Variants in KAZN observed in about 807,000 individuals in gnomAD.
The protein encoded by KAZN is kazrin, periplakin interacting protein.
KAZN carries 40 observed loss-of-function variants against 87.4 expected under a neutral mutation model. The observed-to-expected ratio is 0.46, with a 90% CI of 0.36 to 0.60. KAZN has a LOEUF of 0.60. KAZN is among the 20% of genes least tolerant of loss of function. The pLI is 0.00. For synonymous variants in KAZN, 466 were observed against 458.3 expected (o/e 1.02, Z -0.22); for missense variants, 898 against 1,073.9 (o/e 0.84, Z 2.29).
At chr1:14,517,526 A>AC (rs1671360594) in intron 2 of KAZN, among the ~76,000 whole-genome samples, 3 of 152,304 alleles carry the variant, frequency 2.0e-5, no homozygotes, top group South Asian at 2.1e-4. Context: ...AATCAAACTG[A>AC]CAATAAGAAG....
intron 1 of KAZN, among the ~76,000 whole-genome samples, chr1:14,117,570 A>G (rs994215644): frequency 1.3e-5 from 2 of 151,884 alleles, no homozygotes; most frequent in Non-Finnish European, 2.9e-5. Flanking sequence ...ACCTCCAAAT[A>G]CCATTACACT....
At chr1:14,839,776 G>A (rs988147941) in intron 1 of KAZN, among the ~76,000 whole-genome samples, 1 of 152,188 alleles carries the variant, frequency 6.6e-6, no homozygotes, top group African/African-American at 2.4e-5. Context: ...GCACAGCGTA[G>A]ATGCTCCATT....
chr1:14,398,251 T>C (rs1207898637), intron 2 of KAZN, among the ~76,000 whole-genome samples: 1 of 152,260 alleles, frequency 6.6e-6, no homozygotes, highest in East Asian at 1.9e-4. Context: ...TTATTCATAC[T>C]CTTTTCCTAC....
intron 2 of KAZN, among the ~76,000 whole-genome samples, chr1:14,299,681 C>A (rs1184535836): frequency 6.6e-6 from 1 of 152,188 alleles, no homozygotes; most frequent in Non-Finnish European, 1.5e-5. Context: ...TCACTCTGTA[C>A]CTCCCATCCT....
intron 1 of KAZN, among the ~76,000 whole-genome samples, chr1:14,022,887 C>G (rs1237313863): frequency 6.6e-6 from 1 of 152,192 alleles, no homozygotes; most frequent in East Asian, 1.9e-4. Flanking sequence ...AACCCCATTT[C>G]TACCATGAAG....
At position 14,257,152 on chromosome 1, in the gene KAZN, A is replaced by G. The variant is rs74226806; in HGVS notation, c.249+76560A>G. On this transcript the variant is annotated intron_variant, in intron 2 of 16. Transcript: ENST00000636203. ...AGTGTATGTCCTTATTTTTAAAGGC[A>G]TCATTGAAAAGAAGGGGGAAGGGAT... Among the ~76,000 whole-genome samples the G allele has an allele frequency of 7.2e-5, 11 of 152,312 alleles. No homozygotes were observed. The East Asian group carries it at 2.1e-3, about 29-fold the overall frequency.
chr1:14,801,340 G>A (rs185931782), intron 1 of KAZN, among the ~76,000 whole-genome samples: 5 of 152,286 alleles, frequency 3.3e-5, no homozygotes, highest in African/African-American at 7.2e-5. Context: ...GCTGACTGGC[G>A]CTCACTGTCG....
intron 2 of KAZN, among the ~76,000 whole-genome samples, chr1:14,447,461 G>A (rs6662566): frequency 6.6e-6 from 1 of 151,640 alleles, no homozygotes; most frequent in African/African-American, 2.4e-5. Context: ...GGATGGTCTC[G>A]ATCTTTTCAC....
chr1:14,962,853 G>A (rs1398822), intron 2 of KAZN, among the ~76,000 whole-genome samples: 26,716 of 152,034 alleles, frequency 0.18, 2,779 homozygotes, highest in Non-Finnish European at 0.23. Flanking sequence ...TGGCGGCGGC[G>A]GGAGTTAAGC....
chr1:14,774,468 A>ATTT (rs35723980), intron 1 of KAZN, among the ~76,000 whole-genome samples: 15 of 131,254 alleles, frequency 1.1e-4, no homozygotes, highest in African/African-American at 2.9e-4. Flanking sequence ...TCTTGAACAG[A>ATTT]TTTTTTTTTT....
At chr1:14,185,874 T>C (rs1414956033) in intron 2 of KAZN, among the ~76,000 whole-genome samples, 1 of 152,204 alleles carries the variant, frequency 6.6e-6, no homozygotes, top group East Asian at 1.9e-4. Context: ...TCTGTCATCG[T>C]TGTAAAATCC....
intron 2 of KAZN, among the ~76,000 whole-genome samples, chr1:14,588,582 C>T (rs1424114120): frequency 2.0e-5 from 3 of 152,314 alleles, no homozygotes; most frequent in East Asian, 1.9e-4. Context: ...AGCAGGGCTC[C>T]GTTTGCCTGA....
In KAZN at chr1:14,949,254, T is replaced by G. The variant is rs1662195443; in HGVS notation, c.227-11430T>G. ...GGATTAAAGGGAAAAAAACATTCCTTTATTAAAACAACAGTTAATAAATAC... is the reference window on the plus strand; with the variant it reads ...GGATTAAAGGGAAAAAAACATTCCTGTATTAAAACAACAGTTAATAAATAC... On this transcript the variant is annotated intron_variant, in intron 1 of 14. Coordinates refer to ENST00000376030, the MANE Select transcript of KAZN (RefSeq NM_201628.3). The surrounding 1 kb of genome is among the most constrained non-coding windows in gnomAD (Gnocchi z 4.3). Among the ~76,000 whole-genome samples the G allele has an allele frequency of 6.6e-6, 1 of 151,778 alleles. No homozygotes were observed.
intron 2 of KAZN, among the ~76,000 whole-genome samples, chr1:14,285,308 A>C (rs1653156441): frequency 6.6e-6 from 1 of 152,222 alleles, no homozygotes; most frequent in Non-Finnish European, 1.5e-5. Flanking sequence ...ACTTTGAACA[A>C]AGAGTAAACA....
intron 1 of KAZN, among the ~76,000 whole-genome samples, chr1:14,169,417 A>T (rs1187024561): frequency 6.6e-6 from 1 of 151,972 alleles, no homozygotes; most frequent in Non-Finnish European, 1.5e-5. Context: ...TCCATGTTAT[A>T]TGTCCAGCCG....
Position 14,235,838 on chromosome 1 carries a change from C to G in KAZN, c.249+55246C>G, listed in dbSNP as rs533682120. On this transcript the variant is annotated intron_variant, in intron 2 of 16. Transcript: ENST00000636203. ...CTGGCTTTATTGCTGGAAACAGCAC[C>G]CTTCTTAGCAATCCAGTCTCTTTTT... Among the ~76,000 whole-genome samples, 126 of 152,168 alleles carry G rather than the reference C, an allele frequency of 8.3e-4. 1 individual carries two copies. Among genetic ancestry groups the G allele is most frequent in the Non-Finnish European group, 1.4e-3 (97 of 68,012 alleles).
intron 8 of KAZN, among the ~76,000 whole-genome samples, chr1:15,072,662 T>A (rs1639565359): frequency 6.6e-6 from 1 of 152,216 alleles, no homozygotes; most frequent in South Asian, 2.1e-4. Flanking sequence ...AAAATACATG[T>A]CATCCCCAGT....
intron 2 of KAZN, among the ~76,000 whole-genome samples, chr1:14,569,077 G>A (rs570301010): frequency 2.6e-5 from 4 of 152,274 alleles, no homozygotes; most frequent in African/African-American, 9.6e-5. Flanking sequence ...TCATGTCCCA[G>A]ATGAACTTCT....
At chr1:13,984,793 TCACTTACCATATA>T (rs1463873231) in intron 1 of KAZN, among the ~76,000 whole-genome samples, 1 of 152,200 alleles carries the variant, frequency 6.6e-6, no homozygotes, top group Non-Finnish European at 1.5e-5. Flanking sequence ...TCACTGAGAT[TCACTTACCATATA>T]CATAATTCAT....
Sources: allele counts gnomAD v4.1 joint callset (sites outside exome capture counted in the v4.1 genomes callset), GRCh38; gene constraint gnomAD v4.1.1; non-coding constraint Gnocchi (gnomAD v3.1); transcripts MANE v1.5; gene names NCBI Gene and HGNC (gene_info 2026-07-23, HGNC 2026-07-21).